The following FLACC1 variants were observed in gnomAD, a reference collection of about 807,000 sequenced individuals.
FLACC1 encodes flagellum associated containing coiled-coil domains 1.
A neutral mutation model predicts 62.8 loss-of-function variants in FLACC1; 66 were observed. The observed-to-expected ratio is 1.05, with a 90% CI of 0.86 to 1.29. The LOEUF (loss-of-function observed/expected upper bound fraction) is 1.29, where lower values mean the gene tolerates loss of function less well. Among genes scored for constraint, FLACC1 ranks in the 50% most tolerant of loss-of-function variants. FLACC1 has a pLI of 0.00. For synonymous variants in FLACC1, 156 were observed against 161.0 expected (o/e 0.97, Z 0.24); for missense variants, 452 against 489.1 (o/e 0.92, Z 0.71).
chr2:201,288,435 T>C lies in FLACC1; in HGVS notation c.*220A>G. On this transcript the variant is annotated 3_prime_UTR_variant, in exon 15 of 15. Coordinates refer to ENST00000392257, the MANE Select transcript of FLACC1 (RefSeq NM_001127391.3). ...AAATAGTACAAAACTCAGAGAAAGC[T>C]CAGCTCCCAGTATGGAGAGCATCAT... 2.3e-6 allele frequency: 1 copy of C among 440,546 alleles called. No individual in the cohort carries two copies. Among genetic ancestry groups the C allele is most frequent in the Non-Finnish European group, 3.9e-6 (1 of 256,300 alleles). The allele number at this position is 440,546 out of a possible 1,614,324, so 27.3% of individuals were successfully genotyped here.
chr2:201,289,375 A>G (rs996522869), intron 14 of FLACC1, 82 bp downstream of exon 14: 2 of 1,334,794 alleles, frequency 1.5e-6, no homozygotes, highest in African/African-American at 1.4e-5. Context: ...CAGTTGGTCT[A>G]TCTTCCTAAC....
chr2:201,351,529 A>C (rs1186374042), intron 1 of FLACC1, 78 bp from the exon 2 acceptor site: 2 of 703,546 alleles, frequency 2.8e-6, no homozygotes, highest in Non-Finnish European at 2.4e-6. Context: ...GGAAGAACCC[A>C]GGGAGGACCC....
rs1559387318 is a variant in FLACC1, at chr2:201,299,312, T to C, written c.880-12A>G. On this transcript the variant is annotated splice_polypyrimidine_tract_variant and intron_variant, in intron 11 of 14. Coordinates refer to ENST00000392257, the MANE Select transcript of FLACC1 (RefSeq NM_001127391.3). ...TGTTTCAAGAGCTCCTAAAAACAAT[T>C]TTATTGGGAAAAGGTTAGCACTGTG... is the stretch of plus-strand genomic sequence containing the variant. 8.1e-6 allele frequency: 13 copies of C among 1,612,774 alleles called. No homozygotes were observed. Among genetic ancestry groups the C allele is most frequent in the Non-Finnish European group, 1.0e-5 (12 of 1,179,066 alleles).
In FLACC1 at chr2:201,330,433, C is replaced by T. The variant is rs769999844; in HGVS notation, c.675+37G>A. ...CAATGTTAGCCAGGAATGAGCCTTC[C>T]TTCTCTTGTAATCCAACAGGGAGCT... On this transcript the variant is annotated intron_variant, in intron 9 of 14. Coordinates refer to ENST00000392257, the MANE Select transcript of FLACC1 (RefSeq NM_001127391.3). 8 of 1,587,130 alleles carry T rather than the reference C, an allele frequency of 5.0e-6. No individual in the cohort carries two copies. The African/African-American group carries it at 9.5e-5, about 19-fold the overall frequency.
At chr2:201,308,084 G>A (rs971229538) in intron 10 of FLACC1, among the ~76,000 whole-genome samples, 7 of 152,168 alleles carry the variant, frequency 4.6e-5, no homozygotes, top group Non-Finnish European at 1.0e-4. Context: ...TCAAACAAGA[G>A]GAAGGAGGGG....
intron 4 of FLACC1, 145 bp downstream of exon 4, chr2:201,348,109 A>G: frequency 2.8e-6 from 2 of 722,260 alleles, no homozygotes; most frequent in South Asian, 2.1e-5. Flanking sequence ...CCTGCCGTGC[A>G]TAATGTGCAA....
intron 9 of FLACC1, among the ~76,000 whole-genome samples, chr2:201,311,910 G>A (rs564820735): frequency 6.6e-6 from 1 of 152,116 alleles, no homozygotes; most frequent in Non-Finnish European, 1.5e-5. Flanking sequence ...AGCAAATTAG[G>A]TTATCAAAGG....
Position 201,288,442 on chromosome 2 carries a change from C to A in FLACC1, c.*213G>T. On this transcript the variant is annotated 3_prime_UTR_variant, in exon 15 of 15. Transcript: ENST00000392257. ...ACAAAACTCAGAGAAAGCTCAGCTC[C>A]CAGTATGGAGAGCATCATTTTTCAG... 1 of 461,272 alleles carries A rather than the reference C, an allele frequency of 2.2e-6. No homozygotes were observed. The highest frequency in any genetic ancestry group is 3.7e-6 in the Non-Finnish European group (1 of 270,624). The allele number at this position is 461,272 out of a possible 1,614,324, so 28.6% of individuals were successfully genotyped here.
chr2:201,314,865 G>T (rs1276834860), intron 9 of FLACC1, among the ~76,000 whole-genome samples: 1 of 152,138 alleles, frequency 6.6e-6, no homozygotes, highest in Non-Finnish European at 1.5e-5. Context: ...AGCAAGAAAG[G>T]ATTAGGGCCC....
At chr2:201,294,343 C>T (rs1453570387) in intron 12 of FLACC1, among the ~76,000 whole-genome samples, 1 of 152,162 alleles carries the variant, frequency 6.6e-6, no homozygotes, top group African/African-American at 2.4e-5. Flanking sequence ...GGGCTTCATC[C>T]CTGGGATGCA....
At chr2:201,288,883 C>T (rs540771937) in intron 14 of FLACC1, 102 bp from the exon 15 acceptor site, 1 of 1,341,932 alleles carries the variant, frequency 7.5e-7, no homozygotes, top group African/African-American at 1.5e-5. Flanking sequence ...GTTCCTTCAC[C>T]ACAGCAGTCT....
chr2:201,300,658 C>T (rs1391041021), intron 11 of FLACC1, among the ~76,000 whole-genome samples: 1 of 152,112 alleles, frequency 6.6e-6, no homozygotes, highest in Non-Finnish European at 1.5e-5. Flanking sequence ...AGAAGCCTAA[C>T]TGGGAGGCAC....
chr2:201,312,827 G>A (rs1275053699), intron 9 of FLACC1, among the ~76,000 whole-genome samples: 4 of 152,210 alleles, frequency 2.6e-5, no homozygotes, highest in Non-Finnish European at 5.9e-5. Flanking sequence ...AGAATCCACA[G>A]ACCCTCTGAA....
Position 201,346,538 on chromosome 2 carries a change from T to C in FLACC1, c.368+4A>G, listed in dbSNP as rs1950917900. 2 of 1,613,668 alleles carry C rather than the reference T, an allele frequency of 1.2e-6. No individual in the cohort carries two copies. Among genetic ancestry groups the C allele is most frequent in the African/African-American group, 2.7e-5 (2 of 75,040 alleles). The stretch of plus-strand genomic sequence containing the variant: ...GCAGCTGCATGTTGCTGCAACAGCA[T>C]TACCTGGAAAATCTGCCTTTGTCCG... On this transcript the variant is annotated splice_donor_region_variant and intron_variant, in intron 5 of 14. Coordinates refer to ENST00000392257, the MANE Select transcript of FLACC1 (RefSeq NM_001127391.3). The surrounding 1 kb of genome is among the most constrained non-coding windows in gnomAD (Gnocchi z 4.0).
At chr2:201,356,420 AAAGT>A (rs1277483651) in intron 1 of FLACC1, among the ~76,000 whole-genome samples, 2 of 152,184 alleles carry the variant, frequency 1.3e-5, no homozygotes, top group Admixed American at 6.5e-5. Flanking sequence ...TCAGCCTCCC[AAAGT>A]GCTGGGATTA....
chr2:201,294,678 G>C (rs570967617), intron 12 of FLACC1, among the ~76,000 whole-genome samples: 1 of 152,098 alleles, frequency 6.6e-6, no homozygotes, highest in African/African-American at 2.4e-5. Flanking sequence ...CCAGGGCAAT[G>C]AGGCAGGAGA....
At chr2:201,310,458 A>G (rs1950196991) in intron 9 of FLACC1, among the ~76,000 whole-genome samples, 1 of 152,172 alleles carries the variant, frequency 6.6e-6, no homozygotes, top group South Asian at 2.1e-4. Flanking sequence ...GGCCAACTAG[A>G]ACTAGTTGGT....
chr2:201,308,108 A>G (rs779471271), intron 10 of FLACC1, among the ~76,000 whole-genome samples: 3 of 152,172 alleles, frequency 2.0e-5, no homozygotes, highest in Non-Finnish European at 2.9e-5. Flanking sequence ...AGGGAAACAC[A>G]GATTTCAGTG....
chr2:201,316,667 C>T (rs1014173017), intron 9 of FLACC1, among the ~76,000 whole-genome samples: 4 of 152,006 alleles, frequency 2.6e-5, no homozygotes, highest in African/African-American at 9.7e-5. Context: ...AACACTATTC[C>T]ACAAGATAAA....
Sources: allele counts gnomAD v4.1 joint callset (sites outside exome capture counted in the v4.1 genomes callset), GRCh38; gene constraint gnomAD v4.1.1; non-coding constraint Gnocchi (gnomAD v3.1); transcripts MANE v1.5; gene names NCBI Gene and HGNC (gene_info 2026-07-23, HGNC 2026-07-21).